ANKRD6: variants seen among roughly 807,000 people sequenced by gnomAD.
The protein encoded by ANKRD6 is ankyrin repeat domain-containing protein 6.
ANKRD6 carries 56 observed loss-of-function variants against 82.3 expected under a neutral mutation model. The observed-to-expected ratio is 0.68, with a 90% CI of 0.55 to 0.85. The LOEUF is 0.85. Among genes scored for constraint, ANKRD6 ranks in the 40% least tolerant of loss-of-function variants. The probability of loss-of-function intolerance (pLI) is 0.00; values close to 1 mark genes in which losing one functional copy is unlikely to be tolerated. For synonymous variants in ANKRD6, 347 were observed against 352.1 expected (o/e 0.99, Z 0.16); for missense variants, 852 against 907.6 (o/e 0.94, Z 0.79).
intron 7 of ANKRD6, among the ~76,000 whole-genome samples, chr6:89,615,923 C>G (rs1393690489): frequency 1.3e-5 from 2 of 152,170 alleles, no homozygotes; most frequent in South Asian, 4.1e-4. Context: ...ATAATATGAA[C>G]ATTTATTTAT....
chr6:89,606,017 C>G lies in ANKRD6; in HGVS notation c.329C>G (p.Thr110Arg). 1 of 1,592,014 alleles carries G rather than the reference C, an allele frequency of 6.3e-7. No homozygotes were observed. The highest frequency in any genetic ancestry group is 8.6e-7 in the Non-Finnish European group (1 of 1,167,730). Residue 110 changes from threonine to arginine, a missense_variant, in exon 5 of 16, where the codon ACA (threonine) becomes AGA (arginine). By Grantham distance (71) the Thr-to-Arg change is moderately conservative (BLOSUM62 -1). Transcript: ENST00000339746. ...ALDRQDKDGN[T>R]ALHEASWHGF... is the part of the protein sequence containing the mutation. The stretch of plus-strand genomic sequence containing the variant: ...GTGTGTCTTCCTTAGGATGGGAATA[C>G]AGCCTTGCATGAAGCATCCTGGCAT...
chr6:89,628,800 A>AG lies in ANKRD6; in HGVS notation c.1486-312_1486-311insG. ...AACAAACAAACAAACAAAAAAAAAA[A>AG]CTAATAGAGCAAGAACTTACTAACC... On this transcript the variant is annotated intron_variant, in intron 14 of 15. Coordinates refer to ENST00000339746, the MANE Select transcript of ANKRD6 (RefSeq NM_001242809.2). 1.5e-5 allele frequency: 4 copies of AG among 273,448 alleles called. No individual in the cohort carries two copies. In the South Asian group the frequency reaches 1.8e-4, roughly 12 times the overall value. 16.9% of individuals were successfully genotyped at this position (273,448 alleles called of 1,614,324 possible). A position where few individuals can be genotyped will look rare whatever the true frequency, so the allele number is the denominator to read the frequency against.
At chr6:89,606,158 G>A (rs1443086172) in intron 5 of ANKRD6, 53 bp downstream of exon 5, 4 of 1,419,264 alleles carry the variant, frequency 2.8e-6, no homozygotes, top group Admixed American at 2.1e-5. Context: ...GATGGCTGTG[G>A]GTTTCTCCCC....
chr6:89,470,903 C>G (rs1326261276), intron 1 of ANKRD6, among the ~76,000 whole-genome samples: 1 of 152,116 alleles, frequency 6.6e-6, no homozygotes, highest in Non-Finnish European at 1.5e-5. Context: ...GGATTTTTCA[C>G]TACCCTCACC....
intron 1 of ANKRD6, among the ~76,000 whole-genome samples, chr6:89,449,286 TGTG>T (rs971297749): frequency 2.0e-5 from 3 of 152,088 alleles, no homozygotes; most frequent in Admixed American, 2.0e-4. Flanking sequence ...GAAATGCAGA[TGTG>T]GTGGAAATAG....
intron 5 of ANKRD6, 119 bp from the exon 6 acceptor site, chr6:89,612,153 A>T: frequency 1.2e-6 from 1 of 829,664 alleles, no homozygotes; most frequent in South Asian, 1.9e-5. Flanking sequence ...ATCGGGCAAG[A>T]GGCAGAGAAT....
chr6:89,517,355 T>C (rs1781355112), intron 1 of ANKRD6, among the ~76,000 whole-genome samples: 1 of 152,242 alleles, frequency 6.6e-6, no homozygotes, highest in South Asian at 2.1e-4. Context: ...AATGCAGTTC[T>C]TTCTTTATAG....
At chr6:89,550,118 C>T (rs1461688136) in intron 1 of ANKRD6, among the ~76,000 whole-genome samples, 1 of 151,732 alleles carries the variant, frequency 6.6e-6, no homozygotes, top group Admixed American at 6.6e-5. Flanking sequence ...AGAAAGAAAC[C>T]AGCTACAGTT....
At chr6:89,520,551 A>G (rs1412598448) in intron 1 of ANKRD6, among the ~76,000 whole-genome samples, 1 of 152,220 alleles carries the variant, frequency 6.6e-6, no homozygotes, top group African/African-American at 2.4e-5. Context: ...CTGGATTATT[A>G]ATGGCTTTGG....
intron 2 of ANKRD6, 49 bp from the exon 3 acceptor site, chr6:89,595,867 G>C: frequency 6.8e-7 from 1 of 1,460,602 alleles, no homozygotes; most frequent in South Asian, 1.2e-5. Context: ...TCCCAAGGGA[G>C]TAGCATTGAG....
Position 89,630,648 on chromosome 6 carries a change from G to A in ANKRD6, c.1828G>A (p.Ala610Thr). 1 of 1,612,898 alleles carries A rather than the reference G, an allele frequency of 6.2e-7. No individual in the cohort carries two copies. The change falls in exon 16 of 16, where the codon GCT becomes ACT. Residue 610 changes from alanine (A) to threonine (T), a missense_variant. By Grantham distance (58) the Ala-to-Thr change is moderately conservative. Coordinates refer to ENST00000339746, the MANE Select transcript of ANKRD6 (RefSeq NM_001242809.2). ...MNEAARSDQQ[A>T]GPCVNRGTQT... is the part of the protein sequence containing the mutation. ...TGAGGCAGCCAGATCTGATCAGCAG[G>A]CTGGGCCCTGCGTCAACAGAGGCAC...
chr6:89,608,125 AT>A (rs1218371960), intron 5 of ANKRD6, among the ~76,000 whole-genome samples: 1 of 152,170 alleles, frequency 6.6e-6, no homozygotes, highest in Admixed American at 6.5e-5. Context: ...CTCTGGAGAT[AT>A]TTGCAGTTGA....
At chr6:89,547,676 A>G (rs1476010281) in intron 1 of ANKRD6, among the ~76,000 whole-genome samples, 1 of 152,132 alleles carries the variant, frequency 6.6e-6, no homozygotes, top group African/African-American at 2.4e-5. Context: ...TGAACAGCAA[A>G]CCAGTTTAAC....
rs559126562 is a variant in ANKRD6 at position 89,486,117 on chromosome 6, G to C, written c.-144+52742G>C. Among the ~76,000 whole-genome samples, 6 of 152,188 alleles carry C rather than the reference G, an allele frequency of 3.9e-5. No individual in the cohort carries two copies. The South Asian group carries it at 1.0e-3, about 26-fold the overall frequency. On this transcript the variant is annotated intron_variant, in intron 1 of 15. Coordinates refer to ENST00000339746, the MANE Select transcript of ANKRD6 (RefSeq NM_001242809.2). ...TTTTACAACTTTCTTTGTTCACTTTGTAATATCTCATGTATTGTTTCTGAG... is the reference window on the plus strand; with the variant it reads ...TTTTACAACTTTCTTTGTTCACTTTCTAATATCTCATGTATTGTTTCTGAG...
intron 3 of ANKRD6, among the ~76,000 whole-genome samples, chr6:89,598,668 A>G (rs1238865977): frequency 6.6e-6 from 1 of 152,218 alleles, no homozygotes; most frequent in Non-Finnish European, 1.5e-5. Context: ...AGTGAGAAAC[A>G]CTGTCTCAGA....
rs200210398 is a variant in ANKRD6 at position 89,627,681 on chromosome 6, G to C, written c.1470G>C (p.Glu490Asp). 2.4e-4 allele frequency: 389 copies of C among 1,613,842 alleles called. No homozygotes were observed. The African/African-American group carries it at 4.6e-3, about 19-fold the overall frequency. The change falls in exon 14 of 16, where the codon GAG becomes GAC. Residue 490 changes from glutamate to aspartate, a missense_variant. Glu to Asp is a conservative substitution (Grantham distance 45). Coordinates refer to ENST00000339746, the MANE Select transcript of ANKRD6 (RefSeq NM_001242809.2). The part of the protein sequence containing the change: ...LQQHSDTEKH[E>D]GEKRQISLVD... ...AGCACTCAGACACAGAGAAGCATGA[G>C]GGGGAGAAACGACAGGTAGGAACCA...
intron 1 of ANKRD6, among the ~76,000 whole-genome samples, chr6:89,438,809 ATTTTTGTAT>A (rs1172048539): frequency 1.3e-5 from 2 of 152,000 alleles, no homozygotes; most frequent in African/African-American, 4.8e-5. Context: ...TGCCTGGCTA[ATTTTTGTAT>A]TTTTAGTAGA....
intron 1 of ANKRD6, among the ~76,000 whole-genome samples, chr6:89,559,811 G>A (rs1221404101): frequency 6.6e-6 from 1 of 152,104 alleles, no homozygotes. Flanking sequence ...AGGGAGAGAG[G>A]AGAAAGACCA....
At chr6:89,448,462 ATC>A (rs1772377956) in intron 1 of ANKRD6, among the ~76,000 whole-genome samples, 1 of 151,804 alleles carries the variant, frequency 6.6e-6, no homozygotes, top group Non-Finnish European at 1.5e-5. Flanking sequence ...ATTATACTAC[ATC>A]TACTCTGTCT....
Sources: gnomAD v4.1 joint callset for allele counts (sites outside exome capture counted in the v4.1 genomes callset) on GRCh38, gnomAD v4.1.1 for gene constraint, MANE v1.5 for transcripts, NCBI Gene and HGNC (gene_info 2026-07-23, HGNC 2026-07-21) for gene names.